NPAS3: variants seen among roughly 807,000 people sequenced by gnomAD.
NPAS3 encodes the protein neuronal PAS domain-containing protein 3.
Under a neutral mutation model 73.1 loss-of-function variants are expected in NPAS3, and 14 were observed. That is an observed-to-expected ratio of 0.19 (90% CI 0.13 to 0.30). The LOEUF is 0.30. NPAS3 is among the 10% of genes least tolerant of loss of function. NPAS3 has a pLI of 1.00. For synonymous variants in NPAS3, 620 were observed against 541.5 expected (o/e 1.14, Z -2.01); for missense variants, 1,096 against 1,250.0 (o/e 0.88, Z 1.86).
At position 33,147,178 on chromosome 14, in the gene NPAS3, A is replaced by G. The variant is rs980669904; in HGVS notation, c.141-68004A>G. ...TTTAATCTGCATTTTTTTCTTCCACATCCTATAAAGAATAAAGAAGCTGTT... is the reference window on the plus strand; with the variant it reads ...TTTAATCTGCATTTTTTTCTTCCACGTCCTATAAAGAATAAAGAAGCTGTT... On this transcript the variant is annotated intron_variant, in intron 2 of 11. Transcript: ENST00000356141. Among the ~76,000 whole-genome samples the G allele has an allele frequency of 2.0e-5, 3 of 152,170 alleles. No individual in the cohort carries two copies. The South Asian group carries it at 6.2e-4, about 32-fold the overall frequency.
intron 2 of NPAS3, among the ~76,000 whole-genome samples, chr14:33,163,921 G>C (rs897071579): frequency 1.3e-5 from 2 of 152,158 alleles, no homozygotes; most frequent in African/African-American, 4.8e-5. Context: ...AAAAAAGTGA[G>C]AGAAAATTAC....
At chr14:33,562,669 A>G (rs1005789522) in intron 5 of NPAS3, among the ~76,000 whole-genome samples, 2 of 152,230 alleles carry the variant, frequency 1.3e-5, no homozygotes, top group African/African-American at 4.8e-5. Flanking sequence ...GAATCTGATA[A>G]GAACATGATA....
chr14:33,117,005 A>T (rs1253076981), intron 2 of NPAS3, among the ~76,000 whole-genome samples: 1 of 152,110 alleles, frequency 6.6e-6, no homozygotes, highest in Non-Finnish European at 1.5e-5. Flanking sequence ...ACACAAAAAC[A>T]TGTTCTTTCT....
At chr14:33,376,268 T>C in intron 4 of NPAS3, among the ~76,000 whole-genome samples, 1 of 152,274 alleles carries the variant, frequency 6.6e-6, no homozygotes, top group South Asian at 2.1e-4. Flanking sequence ...AAATATTATA[T>C]AGTTGTAAAA....
At chr14:33,277,340 G>A (rs746709604) in intron 3 of NPAS3, among the ~76,000 whole-genome samples, 1 of 152,134 alleles carries the variant, frequency 6.6e-6, no homozygotes, top group Non-Finnish European at 1.5e-5. Flanking sequence ...GCAGTTCACT[G>A]TATCTGAGTT....
chr14:33,611,165 A>T (rs1053351149), intron 5 of NPAS3: 37 of 152,214 alleles, frequency 2.4e-4, no homozygotes, highest in African/African-American at 8.9e-4. Context: ...CCCTAAGAAT[A>T]CAGAGCTATG....
At chr14:33,235,343 AAAT>A (rs1235178247) in intron 3 of NPAS3, among the ~76,000 whole-genome samples, 2 of 152,064 alleles carry the variant, frequency 1.3e-5, no homozygotes, top group Non-Finnish European at 2.9e-5. Context: ...TTGTTCACTG[AAAT>A]AATGGTTGAT....
exon 6 of NPAS3, chr14:33,676,286 A>G (rs905978928): frequency 6.2e-7 from 1 of 1,613,612 alleles, no homozygotes; most frequent in Non-Finnish European, 8.5e-7. Context: ...GCAGCTGGGC[A>G]TGAAGCTCCC....
chr14:33,362,864 A>T (rs2045668611), intron 3 of NPAS3, among the ~76,000 whole-genome samples: 1 of 152,154 alleles, frequency 6.6e-6, no homozygotes, highest in African/African-American at 2.4e-5. Flanking sequence ...ACAATCCATT[A>T]GAAACCCTGC....
intron 8 of NPAS3, among the ~76,000 whole-genome samples, chr14:33,777,560 T>TAA (rs5807745): frequency 0.01 from 1,420 of 140,862 alleles, 25 homozygotes; most frequent in African/African-American, 0.034. Flanking sequence ...CCGTAAGTCA[T>TAA]AAAAAAAAAA....
At chr14:33,678,455 C>T (rs543809627) in intron 6 of NPAS3, among the ~76,000 whole-genome samples, 5 of 151,634 alleles carry the variant, frequency 3.3e-5, no homozygotes, top group Admixed American at 2.6e-4. Flanking sequence ...AGTGCTAATT[C>T]ACAACCCTTA....
At chr14:33,507,968 C>G (rs759994671) in intron 4 of NPAS3, among the ~76,000 whole-genome samples, 3 of 151,942 alleles carry the variant, frequency 2.0e-5, no homozygotes, top group Non-Finnish European at 4.4e-5. Context: ...TCCTACTCCC[C>G]CTACCCTCAT....
intron 8 of NPAS3, among the ~76,000 whole-genome samples, chr14:33,777,503 A>C (rs564596775): frequency 6.6e-6 from 1 of 152,210 alleles, no homozygotes; most frequent in African/African-American, 2.4e-5. Flanking sequence ...GTGTTTCTTA[A>C]ATGTGTCATT....
intron 1 of NPAS3, among the ~76,000 whole-genome samples, chr14:33,023,809 A>G (rs1328457313): frequency 6.6e-6 from 1 of 152,196 alleles, no homozygotes. Context: ...GCATGTATTT[A>G]CAGACCATGC....
intron 3 of NPAS3, among the ~76,000 whole-genome samples, chr14:33,231,480 A>G (rs1223239304): frequency 6.6e-6 from 1 of 152,108 alleles, no homozygotes; most frequent in Non-Finnish European, 1.5e-5. Flanking sequence ...AATTTGCTTG[A>G]GCCAGGTATG....
chr14:33,043,336 C>G (rs2040405687), intron 1 of NPAS3, among the ~76,000 whole-genome samples: 2 of 152,176 alleles, frequency 1.3e-5, no homozygotes, highest in South Asian at 2.1e-4. Context: ...TTAAATTCTC[C>G]TTAGTAGTAA....
rs201736937 is a variant in NPAS3, at chr14:33,788,905, A to AC, written c.1154-4991dup. 5.5e-4 allele frequency among the ~76,000 whole-genome samples: 81 copies of AC among 148,532 alleles called. 1 individual carries two copies. The East Asian group carries it at 0.016, about 29-fold the overall frequency. On this transcript the variant is annotated intron_variant, in intron 9 of 11. Transcript: ENST00000356141. ...GCAGTACATTTCTTATAGGCCAACC[A>AC]CTAAGCTCAAACCAAGAGACCAGGT...
chr14:33,433,598 A>G (rs1289881475), intron 4 of NPAS3, among the ~76,000 whole-genome samples: 1 of 152,186 alleles, frequency 6.6e-6, no homozygotes, highest in East Asian at 1.9e-4. Context: ...GGGCAGACTT[A>G]TATTGCTTTT....
intron 3 of NPAS3, among the ~76,000 whole-genome samples, chr14:33,290,484 C>G (rs2042056390): frequency 6.6e-6 from 1 of 152,144 alleles, no homozygotes; most frequent in Non-Finnish European, 1.5e-5. Context: ...TTATTAAATT[C>G]AAATATATGT....
Sources: gnomAD v4.1 joint callset for allele counts (sites outside exome capture counted in the v4.1 genomes callset) on GRCh38, gnomAD v4.1.1 for gene constraint, MANE v1.5 for transcripts, NCBI Gene and HGNC (gene_info 2026-07-23, HGNC 2026-07-21) for gene names.